TSPAN18: variants seen among roughly 807,000 people sequenced by gnomAD.
TSPAN18 encodes tetraspanin-18.
TSPAN18 carries 14 observed loss-of-function variants against 27.3 expected under a neutral mutation model. That is an observed-to-expected ratio of 0.51 (90% confidence interval 0.34 to 0.80). The LOEUF is 0.80. Among genes scored for constraint, TSPAN18 ranks in the 30% least tolerant of loss-of-function variants. TSPAN18 has a pLI of 0.01. For synonymous variants in TSPAN18, 143 were observed against 136.5 expected (o/e 1.05, Z -0.33); for missense variants, 268 against 323.9 (o/e 0.83, Z 1.32).
chr11:44,911,212 G>A (rs981251397), intron 5 of TSPAN18, among the ~76,000 whole-genome samples: 1 of 152,176 alleles, frequency 6.6e-6, no homozygotes, highest in Non-Finnish European at 1.5e-5. Context: ...GGGCGAATTC[G>A]TGGGCGGAGT....
intron 2 of TSPAN18, among the ~76,000 whole-genome samples, chr11:44,844,954 C>A (rs1028401740): frequency 6.6e-6 from 1 of 152,092 alleles, no homozygotes; most frequent in African/African-American, 2.4e-5. Context: ...AAAGGAGGCT[C>A]CAAAGGGGTA....
intron 2 of TSPAN18, among the ~76,000 whole-genome samples, chr11:44,800,351 G>A (rs1856452545): frequency 2.0e-5 from 3 of 152,150 alleles, no homozygotes; most frequent in Non-Finnish European, 2.9e-5. Context: ...CCCAGAGCTG[G>A]GGGATCTGGC....
At chr11:44,787,490 G>T (rs1856086583) in intron 2 of TSPAN18, among the ~76,000 whole-genome samples, 2 of 152,200 alleles carry the variant, frequency 1.3e-5, no homozygotes, top group Admixed American at 1.3e-4. Context: ...TGGCTGTGCA[G>T]GTTGATTCTC....
At chr11:44,805,302 G>A (rs1856568965) in intron 2 of TSPAN18, among the ~76,000 whole-genome samples, 1 of 152,222 alleles carries the variant, frequency 6.6e-6, no homozygotes, top group South Asian at 2.1e-4. Context: ...CGTACAGAGG[G>A]ATGTGGCTAA....
chr11:44,840,341 T>C (rs1164910861), intron 2 of TSPAN18, among the ~76,000 whole-genome samples: 1 of 152,150 alleles, frequency 6.6e-6, no homozygotes, highest in Admixed American at 6.5e-5. Flanking sequence ...AGAGTTGATA[T>C]AATAACTAGA....
chr11:44,851,627 C>T (rs1345617100), intron 2 of TSPAN18, among the ~76,000 whole-genome samples: 3 of 145,894 alleles, frequency 2.1e-5, no homozygotes, highest in East Asian at 2.0e-4. Flanking sequence ...CCCCCCCCAA[C>T]GGCTGGGTCC....
intron 3 of TSPAN18, among the ~76,000 whole-genome samples, chr11:44,882,830 C>G (rs1858534066): frequency 6.6e-6 from 1 of 152,164 alleles, no homozygotes; most frequent in African/African-American, 2.4e-5. Flanking sequence ...CCCCCAGACC[C>G]CCAGACCCAA....
chr11:44,822,082 A>T (rs1002880206), intron 2 of TSPAN18, among the ~76,000 whole-genome samples: 1 of 152,164 alleles, frequency 6.6e-6, no homozygotes, highest in East Asian at 1.9e-4. Flanking sequence ...CCTGGCTGTG[A>T]CAGGCAGGAA....
chr11:44,797,444 T>C (rs1203024108), intron 2 of TSPAN18, among the ~76,000 whole-genome samples: 1 of 152,044 alleles, frequency 6.6e-6, no homozygotes, highest in African/African-American at 2.4e-5. Flanking sequence ...TTATTATTTA[T>C]AGGATAGATC....
At chr11:44,764,357 A>G (rs576231078) in intron 1 of TSPAN18, 69 bp from the exon 2 acceptor site, 60 of 152,330 alleles carry the variant, frequency 3.9e-4, no homozygotes, top group African/African-American at 1.4e-3. Context: ...TGGGAGCCAC[A>G]TGTGGACTGA....
At chr11:44,867,040 G>A (rs1355031014) in intron 3 of TSPAN18, among the ~76,000 whole-genome samples, 1 of 152,194 alleles carries the variant, frequency 6.6e-6, no homozygotes, top group Non-Finnish European at 1.5e-5. Flanking sequence ...TTCAGAGACT[G>A]GAGGTAAAAA....
chr11:44,846,989 T>G lies in TSPAN18; in HGVS notation c.-152-13339T>G, dbSNP rs550960977. On this transcript the variant is annotated intron_variant, in intron 2 of 9. Transcript: ENST00000520358. ...TCGGAAGGGCCCTGTGCCTGTGGTATTCCCTCAGGCTGGTGGGAAGATTCG... is the reference window on the plus strand; with the variant it reads ...TCGGAAGGGCCCTGTGCCTGTGGTAGTCCCTCAGGCTGGTGGGAAGATTCG... Among the ~76,000 whole-genome samples the G allele has an allele frequency of 6.6e-5, 10 of 152,274 alleles. No homozygotes were observed. The East Asian group carries it at 1.9e-3, about 29-fold the overall frequency.
intron 2 of TSPAN18, among the ~76,000 whole-genome samples, chr11:44,852,774 A>G (rs1390757845): frequency 1.3e-5 from 2 of 152,194 alleles, no homozygotes; most frequent in Non-Finnish European, 2.9e-5. Flanking sequence ...AAAAGGATCA[A>G]TTGTTCCTAA....
In TSPAN18 at chr11:44,752,199, G is replaced by A. The variant is rs146344495; in HGVS notation, c.-239-12227G>A. ...CCTTCCAGGAAATCAGGAGGAAGATGATAGCTAAATCTCCAAAACAGGCTA... is the reference window on the plus strand; with the variant it reads ...CCTTCCAGGAAATCAGGAGGAAGATAATAGCTAAATCTCCAAAACAGGCTA... On this transcript the variant is annotated intron_variant, in intron 1 of 9. Transcript: ENST00000520358. Among the ~76,000 whole-genome samples, 622 of 152,306 alleles carry A rather than the reference G, an allele frequency of 4.1e-3. 27 individuals carry two copies. The highest frequency in any genetic ancestry group is 0.036 in the Admixed American group (554 of 15,298).
At chr11:44,915,577 G>A (rs1352087842) in intron 5 of TSPAN18, among the ~76,000 whole-genome samples, 2 of 152,172 alleles carry the variant, frequency 1.3e-5, no homozygotes, top group African/African-American at 2.4e-5. Flanking sequence ...ATCCAGATGT[G>A]CCAGCAGGCC....
chr11:44,849,303 T>C (rs1417214668), intron 2 of TSPAN18, among the ~76,000 whole-genome samples: 1 of 152,098 alleles, frequency 6.6e-6, no homozygotes, highest in African/African-American at 2.4e-5. Flanking sequence ...AGGACCTGAG[T>C]GAGGATGGTT....
chr11:44,865,652 G>A (rs1858016362), intron 3 of TSPAN18, among the ~76,000 whole-genome samples: 2 of 152,202 alleles, frequency 1.3e-5, no homozygotes, highest in African/African-American at 4.8e-5. Flanking sequence ...CTTTGAATGT[G>A]GGGTTCTTCA....
In TSPAN18 at chr11:44,912,829, G is replaced by A. The variant is rs555488484; in HGVS notation, c.258+2930G>A. Among the ~76,000 whole-genome samples, 6 of 149,772 alleles carry A rather than the reference G, an allele frequency of 4.0e-5. No homozygotes were observed. In the East Asian group the frequency reaches 1.2e-3, roughly 30 times the overall value. On this transcript the variant is annotated intron_variant, in intron 5 of 9. Transcript: ENST00000520358. ...TGTTATACGTGCATGGGCGTTACAT[G>A]TGCATGGGTGTCATGTGTGCGTGGG...
At chr11:44,893,242 C>CTTCACAGAGCA (rs1858916904) in intron 3 of TSPAN18, among the ~76,000 whole-genome samples, 1 of 152,198 alleles carries the variant, frequency 6.6e-6, no homozygotes, top group Non-Finnish European at 1.5e-5. Context: ...CCTGCAGATG[C>CTTCACAGAGCA]TCTGTGCCAC....
Sources: gnomAD v4.1 joint callset for allele counts (sites outside exome capture counted in the v4.1 genomes callset) on GRCh38, gnomAD v4.1.1 for gene constraint, MANE v1.5 for transcripts, NCBI Gene and HGNC (gene_info 2026-07-23, HGNC 2026-07-21) for gene names.